RYR2: variants seen among roughly 807,000 people sequenced by gnomAD.
RYR2 encodes ryanodine receptor 2.
In RYR2, 227 loss-of-function variants were observed where a neutral mutation model predicts 601.1. The ratio of observed to expected loss-of-function variants is 0.38; its 90% CI spans 0.34 to 0.42. RYR2 has a LOEUF of 0.42. Ranked by LOEUF, RYR2 falls within the 10% of genes least tolerant of loss-of-function variation. The pLI, the probability that RYR2 is intolerant of heterozygous loss-of-function variation, is 1.00. For missense variants in RYR2, 4,646 were observed against 6,156.5 expected, an observed-to-expected ratio of 0.75 and a Z score of 8.21; for synonymous variants, 2,223 against 2,175.1, an observed-to-expected ratio of 1.02 and a Z score of -0.61.
chr1:237,550,532 G>A lies in RYR2; in HGVS notation c.3067-12G>A, dbSNP rs1348097745. On this transcript the variant is annotated splice_polypyrimidine_tract_variant and intron_variant, in intron 26 of 104. Transcript: ENST00000366574. ...TATTGCTTTGACGGCTGCACCCTGTGTTTTCCTGCAGGACGTAAAGAACAG... is the reference window on the plus strand; with the variant it reads ...TATTGCTTTGACGGCTGCACCCTGTATTTTCCTGCAGGACGTAAAGAACAG... The A allele has an allele frequency of 1.2e-6, 2 of 1,607,288 alleles. No homozygotes were observed. Among genetic ancestry groups the A allele is most frequent in the Non-Finnish European group, 1.7e-6 (2 of 1,176,836 alleles).
intron 3 of RYR2, among the ~76,000 whole-genome samples, chr1:237,331,893 C>T (rs897636585): frequency 1.3e-5 from 2 of 152,116 alleles, no homozygotes; most frequent in Admixed American, 1.3e-4. Flanking sequence ...AATGAGACTT[C>T]CTGTGACTGA....
chr1:237,100,216 GA>G (rs1428494951), intron 1 of RYR2, among the ~76,000 whole-genome samples: 2 of 152,178 alleles, frequency 1.3e-5, no homozygotes, highest in Non-Finnish European at 2.9e-5. Context: ...AGAAATAGAT[GA>G]GGTGAAAGAG....
chr1:237,714,455 G>A (rs1294885358), intron 71 of RYR2, among the ~76,000 whole-genome samples: 1 of 152,186 alleles, frequency 6.6e-6, no homozygotes. Context: ...TAAGGAGAGA[G>A]GGTGGAGGAG....
chr1:237,507,076 A>G (rs1403822688), intron 23 of RYR2, among the ~76,000 whole-genome samples: 9 of 152,250 alleles, frequency 5.9e-5, no homozygotes, highest in Admixed American at 2.0e-4. Context: ...GCTGAAAGTT[A>G]TATTTTCAAA....
intron 17 of RYR2, among the ~76,000 whole-genome samples, chr1:237,482,234 A>C (rs920944349): frequency 1.3e-5 from 2 of 152,210 alleles, no homozygotes; most frequent in African/African-American, 4.8e-5. Context: ...TACATTTAAA[A>C]TGTGCAATTA....
At position 237,297,045 on chromosome 1, in the gene RYR2, C is replaced by G. The variant is rs1045480314; in HGVS notation, c.168+26429C>G. Among the ~76,000 whole-genome samples, 3 of 151,898 alleles carry G rather than the reference C, an allele frequency of 2.0e-5. No individual in the cohort carries two copies. In the East Asian group the frequency reaches 5.8e-4, roughly 29 times the overall value. ...ATGATGAACACAAAAAATAAAATCACAATTTTGGAAATGACGTAACAAATG... is the reference window on the plus strand; with the variant it reads ...ATGATGAACACAAAAAATAAAATCAGAATTTTGGAAATGACGTAACAAATG... On this transcript the variant is annotated intron_variant, in intron 2 of 104. Transcript: ENST00000366574.
rs1489604429 is a variant in RYR2 at position 237,625,949 on chromosome 1, CT to C, written c.6166+146del. 3 of 828,262 alleles carry C rather than the reference CT, an allele frequency of 3.6e-6. No homozygotes were observed. The East Asian group carries it at 8.0e-5, about 22-fold the overall frequency. The allele number at this position is 828,262 out of a possible 1,614,324, so 51.3% of individuals were successfully genotyped here. A position where few individuals can be genotyped will look rare whatever the true frequency, so the allele number is the denominator to read the frequency against. On this transcript the variant is annotated intron_variant, in intron 40 of 104. Transcript: ENST00000366574. ...CAGACTCTTAAGTAGATGCCTGTAG[CT>C]CCCAGAAATAAACAGCAGCATCAGT...
chr1:237,432,724 C>G (rs1051295251), intron 12 of RYR2, among the ~76,000 whole-genome samples: 4 of 152,092 alleles, frequency 2.6e-5, no homozygotes, highest in Non-Finnish European at 5.9e-5. Context: ...ATTCAAATTC[C>G]TATTTCGTTG....
chr1:237,665,525 G>A (rs555880111), intron 56 of RYR2, among the ~76,000 whole-genome samples: 7 of 152,240 alleles, frequency 4.6e-5, no homozygotes, highest in South Asian at 4.1e-4. Flanking sequence ...GCTGCCCTGC[G>A]GCTGGATAAT....
intron 3 of RYR2, among the ~76,000 whole-genome samples, chr1:237,343,134 G>A (rs1316815560): frequency 2.0e-5 from 3 of 152,034 alleles, no homozygotes; most frequent in African/African-American, 7.2e-5. Context: ...GAGGTGGTGG[G>A]ATTGCTTGAG....
rs375435615 is a variant in RYR2 at position 237,787,579 on chromosome 1, G to A, written c.13329-409G>A. Reference sequence around the variant, plus strand: ...TGCATTCCAGCCTGGGTGACAGAGCGAGACTCTGTCTCAAAAACAAAAAAA... The same window carrying A: ...TGCATTCCAGCCTGGGTGACAGAGCAAGACTCTGTCTCAAAAACAAAAAAA... On this transcript the variant is annotated intron_variant, in intron 91 of 104. Transcript: ENST00000366574. 6.2e-4 allele frequency among the ~76,000 whole-genome samples: 84 copies of A among 134,718 alleles called. No individual in the cohort carries two copies. The South Asian group carries it at 0.014, about 23-fold the overall frequency. 88.4% of individuals were successfully genotyped at this position (134,718 alleles called of 152,430 possible).
At chr1:237,699,455 AC>A (rs200952741) in intron 64 of RYR2, among the ~76,000 whole-genome samples, 4,660 of 152,312 alleles carry the variant, frequency 0.031, 105 homozygotes, top group Middle Eastern at 0.058. Flanking sequence ...GTGTAGGTAG[AC>A]GAATTCCCAT....
intron 1 of RYR2, among the ~76,000 whole-genome samples, chr1:237,159,830 A>G (rs931363235): frequency 6.6e-6 from 1 of 152,224 alleles, no homozygotes; most frequent in Admixed American, 6.5e-5. Flanking sequence ...CCATCTTTTA[A>G]GGCCTATATT....
intron 47 of RYR2, among the ~76,000 whole-genome samples, chr1:237,641,834 A>G (rs1681588289): frequency 6.6e-6 from 1 of 152,176 alleles, no homozygotes; most frequent in African/African-American, 2.4e-5. Flanking sequence ...GAGCCAGCGT[A>G]CCCAGCCTAG....
chr1:237,261,661 C>T lies in RYR2; in HGVS notation c.49-8836C>T, dbSNP rs559018103. Among the ~76,000 whole-genome samples the T allele has an allele frequency of 5.9e-5, 9 of 152,206 alleles. No individual in the cohort carries two copies. In the South Asian group the frequency reaches 1.9e-3, roughly 32 times the overall value. On this transcript the variant is annotated intron_variant, in intron 1 of 104. Transcript: ENST00000366574. ...CTGTAATCCCAGCACTTTGGGAGGC[C>T]GAGGTGGGCAGATCACTTAAGCCCA...
chr1:237,448,115 C>T (rs897659386), intron 14 of RYR2, among the ~76,000 whole-genome samples: 9 of 151,836 alleles, frequency 5.9e-5, no homozygotes, highest in Admixed American at 1.3e-4. Context: ...TTAGTAGAGA[C>T]GTGGTTTCAC....
At chr1:237,472,710 A>G (rs1660868495) in intron 17 of RYR2, among the ~76,000 whole-genome samples, 1 of 151,302 alleles carries the variant, frequency 6.6e-6, no homozygotes, top group Non-Finnish European at 1.5e-5. Flanking sequence ...AGATGAAAGT[A>G]GAAAGAAATA....
chr1:237,322,168 G>C (rs60937147), intron 2 of RYR2, among the ~76,000 whole-genome samples: 21,318 of 152,110 alleles, frequency 0.14, 3,511 homozygotes, highest in African/African-American at 0.39. Context: ...CTCATTTTCA[G>C]AGAATGAGAC....
rs1305621872 is a variant in RYR2, at chr1:237,674,216, C to G, written c.8711C>G (p.Ser2904Cys). Residue 2904 changes from serine to cysteine, a missense_variant, in exon 59 of 105, where the codon TCC becomes TGC. By Grantham distance (112) the Ser-to-Cys change is moderately radical (BLOSUM62 -1). Coordinates refer to ENST00000366574, the MANE Select transcript of RYR2 (RefSeq NM_001035.3). ...TTGCAGATCAATGGATATGCTGTAT[C>G]CAGGTAAAAGTACACATACCCTAAG... ...KFLQINGYAV[S>C]RGFKDLELDT... 1.9e-6 allele frequency: 3 copies of G among 1,610,388 alleles called. No individual in the cohort carries two copies. The highest frequency in any genetic ancestry group is 2.2e-5 in the South Asian group (2 of 90,942).
Sources: gnomAD v4.1 joint callset for allele counts (sites outside exome capture counted in the v4.1 genomes callset) on GRCh38, gnomAD v4.1.1 for gene constraint, MANE v1.5 for transcripts, NCBI Gene and HGNC (gene_info 2026-07-23, HGNC 2026-07-21) for gene names.